PTGS1: variants seen among roughly 807,000 people sequenced by gnomAD.
PTGS1 encodes the protein prostaglandin G/H synthase 1.
PTGS1 carries 40 observed loss-of-function variants against 63.0 expected under a neutral mutation model. The observed-to-expected ratio is 0.63, with a 90% CI of 0.49 to 0.83. PTGS1 has a LOEUF of 0.83. Ranked by LOEUF, PTGS1 falls within the 40% of genes least tolerant of loss-of-function variation. The pLI is 0.00. For missense variants in PTGS1, 709 were observed against 786.5 expected (o/e 0.90, Z 1.18); for synonymous variants, 298 against 301.9 (o/e 0.99, Z 0.13).
intron 9 of PTGS1, among the ~76,000 whole-genome samples, chr9:122,387,854 T>C (rs931357138): frequency 6.6e-6 from 1 of 152,250 alleles, no homozygotes; most frequent in African/African-American, 2.4e-5. Flanking sequence ...TCGCAGTCTC[T>C]GGCTCCCCTG....
In PTGS1 at chr9:122,383,537, C is replaced by T. The variant is rs775676489; in HGVS notation, c.791C>T (p.Ser264Leu). ...CTGGATGGAGAAATGTACCCGCCCT[C>T]GGTAGAAGAGGCGCCTGTGTTGATG... is the stretch of plus-strand genomic sequence containing the variant. Reference protein sequence around the residue: ...QVLDGEMYPPSVEEAPVLMHY... With the variant: ...QVLDGEMYPPLVEEAPVLMHY... The change falls in exon 8 of 11, where the codon TCG (serine) becomes TTG (leucine). Residue 264 changes from serine (S) to leucine (L), a missense_variant. Ser to Leu is a moderately radical substitution (Grantham distance 145). Transcript: ENST00000362012. 25 of 1,612,856 alleles carry T rather than the reference C, an allele frequency of 1.6e-5. 1 individual carries two copies. The African/African-American group carries it at 1.6e-4, about 10-fold the overall frequency.
intron 7 of PTGS1, among the ~76,000 whole-genome samples, chr9:122,383,196 G>GT (rs1293079791): frequency 4.1e-4 from 58 of 141,248 alleles, no homozygotes; most frequent in Non-Finnish European, 5.3e-4. Context: ...TTTTTTTTAA[G>GT]TTTTTTTTTT....
intron 2 of PTGS1, among the ~76,000 whole-genome samples, chr9:122,376,401 T>C (rs1158666582): frequency 1.3e-5 from 2 of 149,292 alleles, no homozygotes; most frequent in Non-Finnish European, 3.0e-5. Context: ...TTTGAGGTGG[T>C]GTTGCCGTCT....
chr9:122,372,708 A>T (rs770436387), intron 2 of PTGS1: 2 of 152,194 alleles, frequency 1.3e-5, no homozygotes, highest in Admixed American at 6.5e-5. Context: ...TACAGGTCCC[A>T]CCCGTCTGTA....
At position 122,391,607 on chromosome 9, in the gene PTGS1, C is replaced by T. The variant is rs74980622; in HGVS notation, c.1445-582C>T. On this transcript the variant is annotated intron_variant, in intron 10 of 10. Transcript: ENST00000362012. The stretch of plus-strand genomic sequence containing the variant: ...AGCAGGGAAGCTCCATATTTGTCTC[C>T]CCTTGGCCACATGAACATGTGGATA... Among the ~76,000 whole-genome samples the T allele has an allele frequency of 1.7e-3, 254 of 151,096 alleles. 1 individual carries two copies. Among genetic ancestry groups the T allele is most frequent in the African/African-American group, 5.6e-3 (230 of 41,190 alleles).
intron 5 of PTGS1, among the ~76,000 whole-genome samples, chr9:122,380,390 A>C (rs181701614): frequency 7.8e-4 from 118 of 152,142 alleles, no homozygotes; most frequent in African/African-American, 2.8e-3. Context: ...AATTGAGCCC[A>C]GGAGGTCGAG....
intron 2 of PTGS1, chr9:122,371,699 C>T (rs1588113997): frequency 1.3e-6 from 2 of 1,491,534 alleles, no homozygotes; most frequent in Non-Finnish European, 1.8e-6. Flanking sequence ...CATCCTGATT[C>T]CCATTGCCAG....
chr9:122,392,234 T>A lies in PTGS1; in HGVS notation c.1490T>A (p.Ile497Asn). 1 of 1,606,032 alleles carries A rather than the reference T, an allele frequency of 6.2e-7. No homozygotes were observed. Among genetic ancestry groups the A allele is most frequent in the Non-Finnish European group, 8.5e-7 (1 of 1,173,454 alleles). Residue 497 changes from isoleucine (I) to asparagine (N), a missense_variant, in exon 11 of 11, where the codon ATT becomes AAT. Coordinates refer to ENST00000362012, the MANE Select transcript of PTGS1 (RefSeq NM_000962.4). Reference sequence around the variant, plus strand: ...GAGTTGGAGGAATTGTATGGAGACATTGATGCGTTGGAGTTCTACCCTGGA... The same window carrying A: ...GAGTTGGAGGAATTGTATGGAGACAATGATGCGTTGGAGTTCTACCCTGGA... ...AAELEELYGD[I>N]DALEFYPGLL...
Position 122,381,402 on chromosome 9 carries a change from G to C in PTGS1, c.528G>C (p.Leu176=), listed in dbSNP as rs1368219687. Residue 176 remains leucine, a synonymous_variant, in exon 6 of 11, where the codon CTG becomes CTC. Transcript: ENST00000362012. ...GKKQLPDAQL[L]ARRFLLRRKF... ...AGCAGTTGCCAGATGCCCAGCTCCT[G>C]GCCCGCCGCTTCCTGCTCAGGAGGA... 1 of 1,613,990 alleles carries C rather than the reference G, an allele frequency of 6.2e-7. No individual in the cohort carries two copies. Among genetic ancestry groups the C allele is most frequent in the African/African-American group, 1.3e-5 (1 of 74,914 alleles).
intron 2 of PTGS1, among the ~76,000 whole-genome samples, chr9:122,374,223 A>G (rs1836978039): frequency 6.6e-6 from 1 of 152,090 alleles, no homozygotes; most frequent in Non-Finnish European, 1.5e-5. Context: ...GGACTCAGTG[A>G]GAGCAAATGG....
chr9:122,382,410 G>A (rs1021819221), intron 7 of PTGS1, among the ~76,000 whole-genome samples: 5 of 152,144 alleles, frequency 3.3e-5, no homozygotes, highest in Non-Finnish European at 7.3e-5. Flanking sequence ...TCTCAATTTG[G>A]ATGCTCTATT....
intron 9 of PTGS1, among the ~76,000 whole-genome samples, chr9:122,388,599 T>C (rs1838020591): frequency 6.6e-6 from 1 of 152,154 alleles, no homozygotes; most frequent in South Asian, 2.1e-4. Flanking sequence ...TACCACAAAC[T>C]GGGAAGCTCA....
intron 5 of PTGS1, 32 bp downstream of exon 5, chr9:122,378,950 T>C (rs748360161): frequency 6.2e-7 from 1 of 1,612,316 alleles, no homozygotes; most frequent in Non-Finnish European, 8.5e-7. Context: ...GGCCTGGGGA[T>C]TACAGGAGGT....
Position 122,392,281 on chromosome 9 carries a change from C to G in PTGS1, c.1537C>G (p.Pro513Ala), listed in dbSNP as rs1838332065. Residue 513 changes from proline to alanine, a missense_variant, in exon 11 of 11, where the codon CCA becomes GCA. By Grantham distance (27) the Pro-to-Ala change is conservative. Transcript: ENST00000362012. ...TGGACTGCTTCTTGAAAAGTGCCAT[C>G]CAAACTCTATCTTTGGGGAGAGTAT... ...YPGLLLEKCH[P>A]NSIFGESMIE... 1.2e-6 allele frequency: 2 copies of G among 1,613,906 alleles called. No homozygotes were observed. Among genetic ancestry groups the G allele is most frequent in the Non-Finnish European group, 1.7e-6 (2 of 1,179,828 alleles).
chr9:122,383,406 G>C (rs919553587), intron 7 of PTGS1, 103 bp from the exon 8 acceptor site: 5 of 1,481,600 alleles, frequency 3.4e-6, no homozygotes, highest in Non-Finnish European at 4.5e-6. Context: ...AACAGCCTTG[G>C]CTGAGGGGAA....
chr9:122,378,508 G>A lies in PTGS1; in HGVS notation c.287G>A (p.Arg96His), dbSNP rs185497478. Residue 96 changes from arginine (R) to histidine (H), a missense_variant, in exon 4 of 11, where the codon CGC becomes CAC. Physicochemically the swap from Arg to His is conservative, Grantham distance 29. Coordinates refer to ENST00000362012, the MANE Select transcript of PTGS1 (RefSeq NM_000962.4). ...SFTHFLLTHG[R>H]WFWEFVNATF... ...ACCCACTTCCTGCTCACTCACGGGC[G>A]CTGGTTCTGGGAGTTTGTCAATGCC... The A allele has an allele frequency of 6.1e-5, 99 of 1,614,218 alleles. No homozygotes were observed. The highest frequency in any genetic ancestry group is 1.3e-4 in the African/African-American group (10 of 75,052).
At chr9:122,376,041 G>A (rs1289497053) in intron 2 of PTGS1, among the ~76,000 whole-genome samples, 1 of 152,086 alleles carries the variant, frequency 6.6e-6, no homozygotes, top group African/African-American at 2.4e-5. Flanking sequence ...AAGAAGAAGA[G>A]TTCTAGCAGG....
chr9:122,371,121 A>T, intron 1 of PTGS1, 30 bp downstream of exon 1: 1 of 1,605,438 alleles, frequency 6.2e-7, no homozygotes, highest in Middle Eastern at 1.7e-4. Flanking sequence ...CCGGTGGGGA[A>T]TTTTCTTGGC....
In PTGS1 at chr9:122,376,856, T is replaced by C. The variant is rs183020861; in HGVS notation, c.95-1043T>C. 3.4e-4 allele frequency among the ~76,000 whole-genome samples: 52 copies of C among 152,272 alleles called. No homozygotes were observed. In the East Asian group the frequency reaches 8.5e-3, roughly 25 times the overall value. On this transcript the variant is annotated intron_variant, in intron 2 of 10. Coordinates refer to ENST00000362012, the MANE Select transcript of PTGS1 (RefSeq NM_000962.4). Reference sequence around the variant, plus strand: ...GGGTGATGGTGGATCCTACTGAACCTGAGGAGTCTGTAACTTTGCTGCTAA... The same window carrying C: ...GGGTGATGGTGGATCCTACTGAACCCGAGGAGTCTGTAACTTTGCTGCTAA...
Sources: allele counts gnomAD v4.1 joint callset (sites outside exome capture counted in the v4.1 genomes callset), GRCh38; gene constraint gnomAD v4.1.1; transcripts MANE v1.5; gene names NCBI Gene and HGNC (gene_info 2026-07-23, HGNC 2026-07-21).